CEP20: variants seen among roughly 807,000 people sequenced by gnomAD.
CEP20 encodes the protein centrosomal protein 20.
Under a neutral mutation model 20.0 loss-of-function variants are expected in CEP20, and 18 were observed. The ratio of observed to expected loss-of-function variants is 0.90; its 90% CI spans 0.62 to 1.34. CEP20 has a LOEUF of 1.34. Ranked by LOEUF, CEP20 falls within the 40% of genes most tolerant of loss-of-function variation. The pLI, the probability that CEP20 is intolerant of heterozygous loss-of-function variation, is 0.00. For missense variants in CEP20, 215 were observed against 201.6 expected, an observed-to-expected ratio of 1.07 and a Z score of -0.40; for synonymous variants, 77 against 73.7, an observed-to-expected ratio of 1.04 and a Z score of -0.23.
intron 2 of CEP20, chr16:15,883,072 A>AAAG (rs58811606): frequency 0.069 from 10,440 of 152,142 alleles, 474 homozygotes; most frequent in East Asian, 0.22. Flanking sequence ...AAAGAAAAAA[A>AAAG]AGACAGGGGT....
intron 4 of CEP20, among the ~76,000 whole-genome samples, chr16:15,869,609 G>A (rs1370267923): frequency 1.3e-5 from 2 of 152,022 alleles, no homozygotes; most frequent in Non-Finnish European, 2.9e-5. Flanking sequence ...CCGTGGCCTG[G>A]CCTGAACTTA....
chr16:15,880,352 G>A (rs1260585046), intron 2 of CEP20, among the ~76,000 whole-genome samples: 1 of 152,156 alleles, frequency 6.6e-6, no homozygotes, highest in Non-Finnish European at 1.5e-5. Flanking sequence ...TTATAAAGGT[G>A]AGCGTGCACT....
chr16:15,884,065 T>C lies in CEP20; in HGVS notation c.169A>G (p.Ile57Val). The C allele has an allele frequency of 6.2e-7, 1 of 1,613,986 alleles. No homozygotes were observed. The highest frequency in any genetic ancestry group is 8.5e-7 in the Non-Finnish European group (1 of 1,179,878). The part of the protein sequence containing the change: ...SHENLLINEL[I>V]REYLEFNKYK... ...TTGTTGAATTCTAAATACTCTCGAA[T>C]TAATTCATTAATTAGAAGGTTTTCA... is the stretch of plus-strand genomic sequence containing the variant. The change falls in exon 2 of 5, where the codon ATT becomes GTT. Residue 57 changes from isoleucine (I) to valine (V), a missense_variant. Coordinates refer to ENST00000255759, the MANE Select transcript of CEP20 (RefSeq NM_144600.4).
rs2045179001 is a variant in CEP20, at chr16:15,884,091, T to A, written c.143A>T (p.His48Leu). Residue 48 changes from histidine (H) to leucine (L), a missense_variant, in exon 2 of 5, where the codon CAT (histidine) becomes CTT (leucine). By Grantham distance (99) the His-to-Leu change is moderately conservative. Transcript: ENST00000255759. ...DDREPRPSLSHENLLINELIR... is the reference protein window; with the variant it reads ...DDREPRPSLSLENLLINELIR... Reference sequence around the variant, plus strand: ...TAATTCATTAATTAGAAGGTTTTCATGAGACAATGATGGTCGGGGTTCACG... The same window carrying A: ...TAATTCATTAATTAGAAGGTTTTCAAGAGACAATGATGGTCGGGGTTCACG... 1 of 1,614,148 alleles carries A rather than the reference T, an allele frequency of 6.2e-7. No homozygotes were observed. The highest frequency in any genetic ancestry group is 1.1e-5 in the South Asian group (1 of 91,086).
Position 15,888,576 on chromosome 16 carries a change from C to T in CEP20, c.10G>A (p.Val4Met), listed in dbSNP as rs774271736. 1 of 1,614,206 alleles carries T rather than the reference C, an allele frequency of 6.2e-7. No individual in the cohort carries two copies. The highest frequency in any genetic ancestry group is 8.5e-7 in the Non-Finnish European group (1 of 1,180,028). Residue 4 changes from valine to methionine, a missense_variant, in exon 1 of 5, where the codon GTG becomes ATG. Physicochemically the swap from Val to Met is conservative, Grantham distance 21. Transcript: ENST00000255759. Reference sequence around the variant, plus strand: ...CACTCACCAGCCTTCAACTCTGCCACAGTCGCCATTTTTCAACGGCCGCCA... The same window carrying T: ...CACTCACCAGCCTTCAACTCTGCCATAGTCGCCATTTTTCAACGGCCGCCA... MAT[V>M]AELKAVLKDT...
At position 15,883,938 on chromosome 16, in the gene CEP20, G is replaced by A; in HGVS notation, c.226+70C>T. 2.2e-6 allele frequency: 3 copies of A among 1,350,604 alleles called. No homozygotes were observed. In the Admixed American group the frequency reaches 6.1e-5, roughly 28 times the overall value. The allele number at this position is 1,350,604 out of a possible 1,614,324, so 83.7% of individuals were successfully genotyped here. On this transcript the variant is annotated intron_variant, in intron 2 of 4. Transcript: ENST00000255759. ...ATCTGGTAAGGGAATTAGATTTCTA[G>A]GATAAACAGTTTCTGAGAATTGGGG...
Position 15,871,539 on chromosome 16 carries a change from T to C in CEP20, c.448+1952A>G, listed in dbSNP as rs556923561. Among the ~76,000 whole-genome samples, 195 of 152,278 alleles carry C rather than the reference T, an allele frequency of 1.3e-3. 1 individual carries two copies. Among genetic ancestry groups the C allele is most frequent in the African/African-American group, 4.2e-3 (176 of 41,548 alleles). ...GTAATGTCAGTTCCTTACCAATCCC[T>C]AAAAAGAGAATTTGGAAAACTTCTC... On this transcript the variant is annotated intron_variant, in intron 4 of 4. Transcript: ENST00000255759.
chr16:15,884,400 T>C (rs1033191695), intron 1 of CEP20, among the ~76,000 whole-genome samples, 195 bp from the exon 2 acceptor site: 1 of 152,244 alleles, frequency 6.6e-6, no homozygotes, highest in African/African-American at 2.4e-5. Context: ...ATAGTTCTCA[T>C]GTTGCAGTGA....
chr16:15,888,271 G>A lies in CEP20; in HGVS notation c.28+287C>T, dbSNP rs372551463. ...GGCAGGGTCCAAGAAGATGAGCCAG[G>A]GGCCCAAGATGCAGGCCTGTAGGCC... On this transcript the variant is annotated intron_variant, in intron 1 of 4. Transcript: ENST00000255759. Among the ~76,000 whole-genome samples, 85 of 152,194 alleles carry A rather than the reference G, an allele frequency of 5.6e-4. 1 individual carries two copies. Among genetic ancestry groups the A allele is most frequent in the African/African-American group, 1.9e-3 (80 of 41,532 alleles).
In CEP20 at chr16:15,873,634, CA is replaced by C; in HGVS notation, c.312-8del. The stretch of plus-strand genomic sequence containing the variant: ...AATCCCATATAAAAGAGGTCTATAG[CA>C]GGAAGAAAACAAAACAAAACCAAAA... On this transcript the variant is annotated splice_polypyrimidine_tract_variant and splice_region_variant and intron_variant, in intron 3 of 4. Coordinates refer to ENST00000255759, the MANE Select transcript of CEP20 (RefSeq NM_144600.4). 1 of 1,603,602 alleles carries C rather than the reference CA, an allele frequency of 6.2e-7. No homozygotes were observed. The highest frequency in any genetic ancestry group is 8.5e-7 in the Non-Finnish European group (1 of 1,175,116).
Position 15,879,826 on chromosome 16 carries a change from CA to C in CEP20, c.288del (p.Phe96LeufsTer16). 1 of 1,577,256 alleles carries C rather than the reference CA, an allele frequency of 6.3e-7. No homozygotes were observed. The highest frequency in any genetic ancestry group is 8.6e-7 in the Non-Finnish European group (1 of 1,168,762). The stretch of plus-strand genomic sequence containing the variant: ...TACATTGTATTATCCTTTGATTCTT[CA>C]AATGCATTTAGTTCATGGATGAGAA... ...RQFLIHELNA[F>X]EESKDNTIPL... is the part of the protein sequence containing the mutation. On this transcript the variant is annotated frameshift_variant, in exon 3 of 5. Coordinates refer to ENST00000255759, the MANE Select transcript of CEP20 (RefSeq NM_144600.4). LOFTEE classifies it high-confidence loss of function.
At chr16:15,884,293 A>T in intron 1 of CEP20, 88 bp from the exon 2 acceptor site, 1 of 1,278,244 alleles carries the variant, frequency 7.8e-7, no homozygotes. Context: ...GAAAAGGTAA[A>T]TGGTACAAAA....
chr16:15,887,809 T>A (rs2045279744), intron 1 of CEP20, among the ~76,000 whole-genome samples: 1 of 151,872 alleles, frequency 6.6e-6, no homozygotes, highest in Admixed American at 6.6e-5. Flanking sequence ...TTTCTTCTGA[T>A]GAAAAAGGGG....
chr16:15,874,938 G>A (rs1365494614), intron 3 of CEP20, among the ~76,000 whole-genome samples: 3 of 152,154 alleles, frequency 2.0e-5, no homozygotes, highest in Admixed American at 6.6e-5. Context: ...CATGCAGTAA[G>A]GAATTGAGGC....
At chr16:15,878,645 C>T (rs561872882) in intron 3 of CEP20, among the ~76,000 whole-genome samples, 20 of 152,172 alleles carry the variant, frequency 1.3e-4, no homozygotes, top group African/African-American at 3.6e-4. Context: ...TACAGGCACA[C>T]GCCACCATGC....
intron 4 of CEP20, among the ~76,000 whole-genome samples, chr16:15,870,090 CTT>C (rs945677291): frequency 1.3e-5 from 2 of 152,064 alleles, no homozygotes; most frequent in Non-Finnish European, 2.9e-5. Context: ...CCATAAATAC[CTT>C]TCTCTCTATG....
At chr16:15,881,054 G>A (rs1301569815) in intron 2 of CEP20, among the ~76,000 whole-genome samples, 1 of 152,000 alleles carries the variant, frequency 6.6e-6, no homozygotes, top group African/African-American at 2.4e-5. Flanking sequence ...GAGTATGCTT[G>A]AATCATCCCG....
At chr16:15,878,146 G>T (rs1313678111) in intron 3 of CEP20, among the ~76,000 whole-genome samples, 1 of 152,126 alleles carries the variant, frequency 6.6e-6, no homozygotes, top group Non-Finnish European at 1.5e-5. Context: ...TCTGAACAGG[G>T]CCAACAGAAA....
At chr16:15,868,343 G>C (rs1031764740) in intron 4 of CEP20, among the ~76,000 whole-genome samples, 3 of 151,690 alleles carry the variant, frequency 2.0e-5, no homozygotes, top group African/African-American at 7.3e-5. Context: ...AGAATCGCTT[G>C]AACTCAGAAG....
Sources: gnomAD v4.1 joint callset for allele counts (sites outside exome capture counted in the v4.1 genomes callset) on GRCh38, gnomAD v4.1.1 for gene constraint, MANE v1.5 for transcripts, NCBI Gene and HGNC (gene_info 2026-07-23, HGNC 2026-07-21) for gene names.